The following HECW1 variants were observed in gnomAD, a reference collection of about 807,000 sequenced individuals.
The protein encoded by HECW1 is HECT, C2 and WW domain containing E3 ubiquitin protein ligase 1, also known as E3 ubiquitin-protein ligase HECW1.
A neutral mutation model predicts 182.3 loss-of-function variants in HECW1; 61 were observed. The observed-to-expected ratio is 0.33, with a 90% CI of 0.27 to 0.41. The LOEUF is 0.41. HECW1 is among the 10% of genes least tolerant of loss of function. The pLI is 1.00. For synonymous variants in HECW1, 859 were observed against 832.6 expected, an observed-to-expected ratio of 1.03 and a Z score of -0.55; for missense variants, 1,739 against 2,108.9, an observed-to-expected ratio of 0.82 and a Z score of 3.44.
At chr7:43,514,301 C>CT (rs59223768) in intron 24 of HECW1, among the ~76,000 whole-genome samples, 29,914 of 140,398 alleles carry the variant, frequency 0.21, 3,394 homozygotes, top group South Asian at 0.31. Flanking sequence ...CTTTTCTTTT[C>CT]TTTTTTTTTT....
intron 2 of HECW1, chr7:43,118,323 G>A (rs1186033633): frequency 2.6e-5 from 4 of 152,700 alleles, no homozygotes; most frequent in Non-Finnish European, 4.4e-5. Context: ...GTGCATGGAT[G>A]TTCCCTGCTT....
intron 2 of HECW1, among the ~76,000 whole-genome samples, chr7:43,218,213 A>T (rs560976445): frequency 6.6e-6 from 1 of 152,352 alleles, no homozygotes; most frequent in Admixed American, 6.5e-5. Flanking sequence ...TGTAAGATAT[A>T]TTTAGATCAC....
intron 2 of HECW1, among the ~76,000 whole-genome samples, chr7:43,115,937 C>T (rs1785008857): frequency 6.6e-6 from 1 of 152,298 alleles, no homozygotes; most frequent in African/African-American, 2.4e-5. Flanking sequence ...AGAACAAGGA[C>T]ATGTTTATAT....
At chr7:43,392,347 TG>T (rs2075064306) in intron 6 of HECW1, among the ~76,000 whole-genome samples, 1 of 152,234 alleles carries the variant, frequency 6.6e-6, no homozygotes, top group African/African-American at 2.4e-5. Flanking sequence ...ACACTCCTAT[TG>T]GAAATGCCAT....
chr7:43,438,924 T>C (rs1302984753), intron 9 of HECW1: 2 of 152,256 alleles, frequency 1.3e-5, no homozygotes, highest in Non-Finnish European at 2.9e-5. Context: ...CCAAGTGTCT[T>C]AATTTAAAGT....
chr7:43,511,173 G>T (rs1011554671), intron 24 of HECW1: 6 of 152,202 alleles, frequency 3.9e-5, no homozygotes, highest in East Asian at 3.8e-4. Flanking sequence ...CAGGTTAACC[G>T]CTGTGTCCTT....
intron 12 of HECW1, among the ~76,000 whole-genome samples, chr7:43,454,976 C>T (rs567900939): frequency 6.6e-6 from 1 of 152,090 alleles, no homozygotes; most frequent in East Asian, 1.9e-4. Flanking sequence ...ACTCTAAAAG[C>T]TTTGCCCATC....
chr7:43,494,117 C>T (rs1033807554), intron 19 of HECW1, among the ~76,000 whole-genome samples: 1 of 152,138 alleles, frequency 6.6e-6, no homozygotes, highest in African/African-American at 2.4e-5. Flanking sequence ...CAACCCTTGC[C>T]ACTCCCGCCA....
intron 3 of HECW1, chr7:43,258,830 A>G (rs1800868251): frequency 6.6e-6 from 1 of 152,176 alleles, no homozygotes; most frequent in Non-Finnish European, 1.5e-5. Context: ...TGAGTTGGGC[A>G]ACAGTTACAT....
chr7:43,425,930 T>C (rs2076350691), intron 8 of HECW1, among the ~76,000 whole-genome samples: 1 of 152,154 alleles, frequency 6.6e-6, no homozygotes, highest in Non-Finnish European at 1.5e-5. Flanking sequence ...TATTATTTTG[T>C]CCCTTTTTTC....
chr7:43,480,630 T>A (rs2078392711), intron 17 of HECW1, among the ~76,000 whole-genome samples: 1 of 151,732 alleles, frequency 6.6e-6, no homozygotes, highest in Middle Eastern at 3.4e-3. Context: ...TGTGCGTGTG[T>A]GTGTGTGTAC....
At chr7:43,355,410 A>G (rs1212264705) in intron 5 of HECW1, among the ~76,000 whole-genome samples, 1 of 152,210 alleles carries the variant, frequency 6.6e-6, no homozygotes, top group Non-Finnish European at 1.5e-5. Context: ...AAAAATATGT[A>G]AATTGAGACA....
intron 2 of HECW1, among the ~76,000 whole-genome samples, chr7:43,204,281 T>G (rs1795268614): frequency 6.6e-6 from 1 of 152,200 alleles, no homozygotes; most frequent in Non-Finnish European, 1.5e-5. Context: ...TAAAGTTTGT[T>G]GAATAAACAA....
chr7:43,469,331 C>A (rs976391326), intron 16 of HECW1, among the ~76,000 whole-genome samples: 1 of 152,180 alleles, frequency 6.6e-6, no homozygotes, highest in African/African-American at 2.4e-5. Context: ...CACTCCTAGC[C>A]CTCACGCTGC....
Position 43,361,757 on chromosome 7 carries a change from G to T in HECW1, c.555+777G>T, listed in dbSNP as rs115234124. ...AAATTTTAAATGACCAACTGGGGAG[G>T]CTGGACAGAAACCAGTGGAGGACTT... is the stretch of plus-strand genomic sequence containing the variant. On this transcript the variant is annotated intron_variant, in intron 6 of 29. Coordinates refer to ENST00000395891, the MANE Select transcript of HECW1 (RefSeq NM_015052.5). Among the ~76,000 whole-genome samples, 359 of 151,154 alleles carry T rather than the reference G, an allele frequency of 2.4e-3. 1 individual carries two copies. The highest frequency in any genetic ancestry group is 8.1e-3 in the African/African-American group (332 of 41,106).
intron 19 of HECW1, 93 bp downstream of exon 19, chr7:43,493,273 A>C: frequency 1.3e-6 from 1 of 749,424 alleles, no homozygotes; most frequent in South Asian, 1.7e-5. Context: ...GCGGAAGCTT[A>C]TTATACATTG....
chr7:43,241,041 A>T (rs1028355344), intron 2 of HECW1: 5 of 152,250 alleles, frequency 3.3e-5, no homozygotes, highest in Admixed American at 3.3e-4. Flanking sequence ...AGGAAGAATC[A>T]TCTAATCTAA....
chr7:43,346,159 G>GTTTTTTTAT (rs1335836338), intron 5 of HECW1, among the ~76,000 whole-genome samples: 1 of 151,946 alleles, frequency 6.6e-6, no homozygotes, highest in African/African-American at 2.4e-5. Flanking sequence ...AACATCTACT[G>GTTTTTTTAT]TTTTTTTATT....
At chr7:43,557,599 T>C (rs1158317814) in intron 29 of HECW1, among the ~76,000 whole-genome samples, 1 of 152,186 alleles carries the variant, frequency 6.6e-6, no homozygotes, top group Non-Finnish European at 1.5e-5. Context: ...TGCCACACAG[T>C]CTGGTAGGAG....
Sources: gnomAD v4.1 joint callset for allele counts (sites outside exome capture counted in the v4.1 genomes callset) on GRCh38, gnomAD v4.1.1 for gene constraint, MANE v1.5 for transcripts, NCBI Gene and HGNC (gene_info 2026-07-23, HGNC 2026-07-21) for gene names.